Variants in PITPNC1 observed in about 807,000 individuals in gnomAD.
PITPNC1 encodes cytoplasmic phosphatidylinositol transfer protein 1.
Under a neutral mutation model 44.7 loss-of-function variants are expected in PITPNC1, and 18 were observed. The ratio of observed to expected loss-of-function variants is 0.40; its 90% CI spans 0.28 to 0.60. PITPNC1 has a LOEUF of 0.60. PITPNC1 is among the 20% of genes least tolerant of loss of function. The pLI, the probability that PITPNC1 is intolerant of heterozygous loss-of-function variation, is 0.39. For synonymous variants in PITPNC1, 141 were observed against 149.6 expected, an observed-to-expected ratio of 0.94 and a Z score of 0.42; for missense variants, 290 against 418.4, an observed-to-expected ratio of 0.69 and a Z score of 2.68.
intron 6 of PITPNC1, among the ~76,000 whole-genome samples, chr17:67,655,770 CAAAA>C (rs2042259215): frequency 6.6e-6 from 1 of 151,882 alleles, no homozygotes; most frequent in South Asian, 2.1e-4. Flanking sequence ...CTCATTTCCA[CAAAA>C]CATTAAAAGA....
At chr17:67,636,559 C>T (rs868650478) in intron 6 of PITPNC1, among the ~76,000 whole-genome samples, 1 of 152,170 alleles carries the variant, frequency 6.6e-6, no homozygotes, top group East Asian at 1.9e-4. Context: ...ATTCCTCCTC[C>T]GTGGACCTGG....
At chr17:67,621,653 T>G (rs750194285) in intron 5 of PITPNC1, among the ~76,000 whole-genome samples, 1 of 152,240 alleles carries the variant, frequency 6.6e-6, no homozygotes, top group Non-Finnish European at 1.5e-5. Context: ...GGCACAGTGT[T>G]GAACACACAG....
intron 1 of PITPNC1, among the ~76,000 whole-genome samples, chr17:67,422,865 G>T (rs1270092037): frequency 6.6e-6 from 1 of 152,158 alleles, no homozygotes; most frequent in East Asian, 1.9e-4. Context: ...TGTCTAGTTT[G>T]CAGGGTAGTG....
chr17:67,669,585 C>T lies in PITPNC1; in HGVS notation c.540C>T (p.Ile180=), dbSNP rs1390204548. Residue 180 remains isoleucine (I), a synonymous_variant, in exon 7 of 9, where the codon ATC becomes ATT. Transcript: ENST00000581322. ...GCTGGAGAGATAGTCATCAGCCTAT[C>T]ATGTGCTCCTACAAGCTGGTGACTG... ...REGWRDSHQP[I]MCSYKLVTVK... 1.2e-6 allele frequency: 2 copies of T among 1,606,784 alleles called. No homozygotes were observed. Among genetic ancestry groups the T allele is most frequent in the African/African-American group, 1.3e-5 (1 of 74,722 alleles).
chr17:67,408,746 CT>C (rs2038444061), intron 1 of PITPNC1: 1 of 146,232 alleles, frequency 6.8e-6, no homozygotes, highest in Non-Finnish European at 1.5e-5. Context: ...TTCTTTCTCT[CT>C]TTCTTTCTTT....
At chr17:67,439,182 C>T (rs932999670) in intron 1 of PITPNC1, among the ~76,000 whole-genome samples, 2 of 152,186 alleles carry the variant, frequency 1.3e-5, no homozygotes, top group African/African-American at 4.8e-5. Context: ...TGGATGATGT[C>T]AATTTCTATG....
intron 1 of PITPNC1, among the ~76,000 whole-genome samples, chr17:67,455,695 G>C (rs1057358131): frequency 3.9e-5 from 6 of 151,978 alleles, no homozygotes; most frequent in Admixed American, 6.6e-5. Context: ...ACCTGCCTCG[G>C]CCTTCCAAAA....
chr17:67,459,095 GCTTTTTTTTTTCTTTTT>G (rs1048951953), intron 1 of PITPNC1, among the ~76,000 whole-genome samples: 2 of 145,136 alleles, frequency 1.4e-5, no homozygotes, highest in Non-Finnish European at 3.0e-5. Flanking sequence ...TCTCTTTGGG[GCTTTTTTTTTTCTTTTT>G]CTTTTTTTTT....
At chr17:67,498,325 G>A (rs1305336461) in intron 1 of PITPNC1, among the ~76,000 whole-genome samples, 3 of 152,154 alleles carry the variant, frequency 2.0e-5, no homozygotes, top group African/African-American at 4.8e-5. Flanking sequence ...CGGACATGGT[G>A]GCTCAGGCCT....
At chr17:67,610,629 A>G (rs1336016043) in intron 5 of PITPNC1, among the ~76,000 whole-genome samples, 1 of 152,152 alleles carries the variant, frequency 6.6e-6, no homozygotes, top group Non-Finnish European at 1.5e-5. Flanking sequence ...CTCTACTAAA[A>G]ATACAAACAT....
chr17:67,466,144 G>A (rs1285436287), intron 1 of PITPNC1, among the ~76,000 whole-genome samples: 1 of 132,526 alleles, frequency 7.5e-6, no homozygotes, highest in Non-Finnish European at 1.5e-5. Context: ...GGGACTACAG[G>A]CACACGCCCA....
chr17:67,521,042 C>G (rs1293651212), intron 1 of PITPNC1, among the ~76,000 whole-genome samples: 1 of 152,150 alleles, frequency 6.6e-6, no homozygotes, highest in Admixed American at 6.5e-5. Context: ...ACTATGAAGA[C>G]TATTGTTACT....
In PITPNC1 at chr17:67,496,128, C is replaced by T. The variant is rs551007281; in HGVS notation, c.49-36674C>T. ...TATAGAGAGTGCTTTTGGAATACTACCAAGCATAGTACTTGACCTTAGAGG... is the reference window on the plus strand; with the variant it reads ...TATAGAGAGTGCTTTTGGAATACTATCAAGCATAGTACTTGACCTTAGAGG... On this transcript the variant is annotated intron_variant, in intron 1 of 8. Coordinates refer to ENST00000581322, the MANE Select transcript of PITPNC1 (RefSeq NM_012417.4). 6.6e-5 allele frequency among the ~76,000 whole-genome samples: 10 copies of T among 152,228 alleles called. No homozygotes were observed. In the South Asian group the frequency reaches 2.1e-3, roughly 32 times the overall value.
intron 1 of PITPNC1, among the ~76,000 whole-genome samples, chr17:67,488,007 T>G (rs2039806505): frequency 6.6e-6 from 1 of 152,218 alleles, no homozygotes; most frequent in Non-Finnish European, 1.5e-5. Flanking sequence ...GAAAGCTTAC[T>G]TGAAAGGTTT....
intron 1 of PITPNC1, among the ~76,000 whole-genome samples, chr17:67,480,016 T>C (rs1489697830): frequency 6.6e-6 from 1 of 152,248 alleles, no homozygotes; most frequent in Non-Finnish European, 1.5e-5. Context: ...GAACAAGTAA[T>C]TGGCAACACA....
At chr17:67,601,466 C>G (rs2041538683) in intron 5 of PITPNC1, among the ~76,000 whole-genome samples, 1 of 152,016 alleles carries the variant, frequency 6.6e-6, no homozygotes. Flanking sequence ...AGAGGAAGAG[C>G]AGCTGGGCAC....
intron 1 of PITPNC1, among the ~76,000 whole-genome samples, chr17:67,490,837 C>G (rs1479337290): frequency 2.6e-5 from 4 of 152,206 alleles, no homozygotes; most frequent in Non-Finnish European, 4.4e-5. Context: ...ACTTCCCTGA[C>G]ACCATCCACC....
intron 1 of PITPNC1, among the ~76,000 whole-genome samples, chr17:67,522,529 T>G (rs1370221696): frequency 6.6e-6 from 1 of 152,072 alleles, no homozygotes; most frequent in Non-Finnish European, 1.5e-5. Context: ...CTTTAATAAT[T>G]TTTTCATAAT....
Position 67,619,958 on chromosome 17 carries a change from G to A in PITPNC1, c.367-12185G>A, listed in dbSNP as rs74738082. ...ATCCCATAACTAAAACAGCCTGGAA[G>A]TGTCACCAAGGCCCAAAGACAGCCT... On this transcript the variant is annotated intron_variant, in intron 5 of 8. Transcript: ENST00000581322. Among the ~76,000 whole-genome samples the A allele has an allele frequency of 3.9e-3, 587 of 152,272 alleles. 1 individual carries two copies. Among genetic ancestry groups the A allele is most frequent in the African/African-American group, 0.013 (536 of 41,554 alleles).
Sources: allele counts gnomAD v4.1 joint callset (sites outside exome capture counted in the v4.1 genomes callset), GRCh38; gene constraint gnomAD v4.1.1; transcripts MANE v1.5; gene names NCBI Gene and HGNC (gene_info 2026-07-23, HGNC 2026-07-21).